The following PPWD1 variants were observed in gnomAD, a reference collection of about 807,000 sequenced individuals.
The protein encoded by PPWD1 is peptidylprolyl isomerase domain and WD repeat-containing protein 1.
In PPWD1, 43 loss-of-function variants were observed where a neutral mutation model predicts 68.8. The ratio of observed to expected loss-of-function variants is 0.62; its 90% CI spans 0.49 to 0.81. The LOEUF (loss-of-function observed/expected upper bound fraction) is 0.81. Ranked by LOEUF, PPWD1 falls within the 30% of genes least tolerant of loss-of-function variation. The pLI, the probability that PPWD1 is intolerant of heterozygous loss-of-function variation, is 0.00. For synonymous variants in PPWD1, 232 were observed against 258.7 expected, an observed-to-expected ratio of 0.90 and a Z score of 0.99; for missense variants, 672 against 804.8, an observed-to-expected ratio of 0.83 and a Z score of 2.00.
In PPWD1 at chr5:65,576,983, A is replaced by G. The variant is rs1160340685; in HGVS notation, c.1074A>G (p.Leu358=). 1 of 1,614,180 alleles carries G rather than the reference A, an allele frequency of 6.2e-7. No homozygotes were observed. Among genetic ancestry groups the G allele is most frequent in the Admixed American group, 1.7e-5 (1 of 60,030 alleles). The change falls in exon 6 of 11, where the codon TTA becomes TTG. Residue 358 remains leucine (L), a synonymous_variant. Transcript: ENST00000261308. ...TGGAGAAGGTTGATGCTGTAAGATT[A>G]ATTAATATAGTTTTTGATGAAACTG... is the stretch of plus-strand genomic sequence containing the variant. The part of the protein sequence containing the change: ...RELEKVDAVR[L]INIVFDETGH...
intron 4 of PPWD1, chr5:65,570,267 G>A: frequency 1.1e-6 from 1 of 913,400 alleles, no homozygotes; most frequent in Non-Finnish European, 1.3e-6. Flanking sequence ...TAATATTACT[G>A]GAGCTCTGTC....
rs187566030 is a variant in PPWD1 at position 65,580,383 on chromosome 5, C to A, written c.1350+770C>A. Among the ~76,000 whole-genome samples, 27 of 152,320 alleles carry A rather than the reference C, an allele frequency of 1.8e-4. No individual in the cohort carries two copies. In the East Asian group the frequency reaches 4.8e-3, roughly 27 times the overall value. ...TTCTTCATTTTTCATTCATTTGCTA[C>A]ACGAACCATACTGAAAGTTCACATG... On this transcript the variant is annotated intron_variant, in intron 7 of 10. Transcript: ENST00000261308.
intron 7 of PPWD1, among the ~76,000 whole-genome samples, chr5:65,581,030 G>A (rs1753573263): frequency 6.6e-6 from 1 of 152,104 alleles, no homozygotes. Context: ...AATGACTACA[G>A]CATTACAGTA....
intron 4 of PPWD1, 63 bp downstream of exon 4, chr5:65,570,061 C>A: frequency 7.0e-7 from 1 of 1,429,990 alleles, no homozygotes; most frequent in East Asian, 2.5e-5. Flanking sequence ...TCAGACTTTA[C>A]CATTTAATAG....
At chr5:65,578,171 G>C (rs998115927) in intron 6 of PPWD1, among the ~76,000 whole-genome samples, 1 of 152,146 alleles carries the variant, frequency 6.6e-6, no homozygotes. Flanking sequence ...ACCACAGCTT[G>C]ATAGCTCATT....
intron 7 of PPWD1, among the ~76,000 whole-genome samples, chr5:65,581,425 A>T (rs892128803): frequency 2.0e-5 from 3 of 152,078 alleles, no homozygotes; most frequent in African/African-American, 7.2e-5. Flanking sequence ...TCTCTACAAA[A>T]AATTTAAGAA....
intron 7 of PPWD1, among the ~76,000 whole-genome samples, chr5:65,581,064 T>C (rs1299563332): frequency 3.3e-5 from 5 of 152,178 alleles, no homozygotes; most frequent in African/African-American, 9.7e-5. Context: ...CTCCAAAACA[T>C]TGTAAACTGA....
intron 5 of PPWD1, among the ~76,000 whole-genome samples, chr5:65,572,731 G>A (rs757403714): frequency 6.6e-6 from 1 of 151,978 alleles, no homozygotes; most frequent in Non-Finnish European, 1.5e-5. Context: ...GCTCAAACCA[G>A]AAATCTAAGA....
At position 65,586,027 on chromosome 5, in the gene PPWD1, C is replaced by G. The variant is rs1753828437; in HGVS notation, c.1643C>G (p.Thr548Arg). 6.2e-7 allele frequency: 1 copy of G among 1,613,116 alleles called. No homozygotes were observed. The highest frequency in any genetic ancestry group is 2.2e-5 in the East Asian group (1 of 44,874). The part of the protein sequence containing the change: ...KGFMIQTGDP[T>R]GTGMGGESIW... ...TTTATGATTCAGACTGGAGATCCAA[C>G]AGGTACTGGTATGGGAGGAGAAAGC... The change falls in exon 10 of 11, where the codon ACA becomes AGA. Residue 548 changes from threonine to arginine, a missense_variant. By Grantham distance (71) the Thr-to-Arg change is moderately conservative (BLOSUM62 -1). This residue lies in a region of PPWD1 where 484 missense variants were observed against 646.2 expected (regional missense o/e 0.75). Coordinates refer to ENST00000261308, the MANE Select transcript of PPWD1 (RefSeq NM_015342.4).
Position 65,587,160 on chromosome 5 carries a change from G to A in PPWD1, c.1798-93G>A, listed in dbSNP as rs571776538. ...TTTTAAATATATGCTAAAGGGGAGC[G>A]TAAACTTAAATTCTCTTTAATTTGC... On this transcript the variant is annotated intron_variant, in intron 10 of 10. Coordinates refer to ENST00000261308, the MANE Select transcript of PPWD1 (RefSeq NM_015342.4). 4.6e-5 allele frequency: 61 copies of A among 1,328,758 alleles called. No homozygotes were observed. The South Asian group carries it at 4.8e-4, about 11-fold the overall frequency. 82.3% of individuals were successfully genotyped at this position (1,328,758 alleles called of 1,614,324 possible). A position where few individuals can be genotyped will look rare whatever the true frequency, so the allele number is the denominator to read the frequency against.
intron 7 of PPWD1, among the ~76,000 whole-genome samples, chr5:65,581,797 G>A (rs991737448): frequency 5.9e-5 from 9 of 152,020 alleles, no homozygotes; most frequent in South Asian, 2.1e-4. Flanking sequence ...ACATTGTTAC[G>A]AATTTTCTTT....
intron 7 of PPWD1, among the ~76,000 whole-genome samples, chr5:65,580,945 T>C (rs1249302842): frequency 6.6e-6 from 1 of 152,234 alleles, no homozygotes. Context: ...TCTGACGCTG[T>C]GCTCTTCTTC....
At position 65,567,562 on chromosome 5, in the gene PPWD1, G is replaced by A. The variant is rs188720458; in HGVS notation, c.246G>A (p.Met82Ile). 88 of 1,612,076 alleles carry A rather than the reference G, an allele frequency of 5.5e-5. No individual in the cohort carries two copies. In the East Asian group the frequency reaches 1.2e-3, roughly 22 times the overall value. The change falls in exon 2 of 11, where the codon ATG becomes ATA. Residue 82 changes from methionine (M) to isoleucine (I), a missense_variant. Transcript: ENST00000261308. ...TTGATAATCTCCCCAGTGCATCCATGTATGAGCGCAGTTACATGCATAGAG... is the reference window on the plus strand; with the variant it reads ...TTGATAATCTCCCCAGTGCATCCATATATGAGCGCAGTTACATGCATAGAG... ...VYLDNLPSAS[M>I]YERSYMHRDV... is the part of the protein sequence containing the mutation.
chr5:65,573,497 G>GT (rs199517260), intron 5 of PPWD1, among the ~76,000 whole-genome samples: 3 of 25,904 alleles, frequency 1.2e-4, no homozygotes, highest in Non-Finnish European at 2.9e-4. Flanking sequence ...TTAGAGATGG[G>GT]TTTTTTTTAG....
At chr5:65,577,485 C>T (rs1411762442) in intron 6 of PPWD1, among the ~76,000 whole-genome samples, 1 of 152,098 alleles carries the variant, frequency 6.6e-6, no homozygotes, top group Non-Finnish European at 1.5e-5. Flanking sequence ...TTTGTGAAAA[C>T]AGTCCATTTG....
In PPWD1 at chr5:65,586,138, C is replaced by G. The variant is rs1319848825; in HGVS notation, c.1754C>G (p.Ser585Ter). 6.2e-7 allele frequency: 1 copy of G among 1,613,344 alleles called. No individual in the cohort carries two copies. The change falls in exon 10 of 11, where the codon TCA (serine) becomes TGA (stop). Residue 585 changes from serine (S) to a stop codon, truncating the protein, a stop_gained. Coordinates refer to ENST00000261308, the MANE Select transcript of PPWD1 (RefSeq NM_015342.4). LOFTEE classifies it high-confidence loss of function. ...ACACTCAGCATGGCTAACGCGGGAT[C>G]AAATACTAATGGATCCCAGTTTTTC... ...PYTLSMANAG[S>*]NTNGSQFFIT...
At chr5:65,573,470 TATATA>T (rs1753109779) in intron 5 of PPWD1, among the ~76,000 whole-genome samples, 2 of 68,560 alleles carry the variant, frequency 2.9e-5, no homozygotes, top group African/African-American at 1.4e-4. Flanking sequence ...TATATATATA[TATATA>T]TTTTTTTTTT....
At chr5:65,585,268 G>C (rs760308596) in intron 9 of PPWD1, among the ~76,000 whole-genome samples, 173 bp downstream of exon 9, 1 of 152,114 alleles carries the variant, frequency 6.6e-6, no homozygotes, top group Non-Finnish European at 1.5e-5. Flanking sequence ...TCAACATCTA[G>C]AATCAACAGG....
At position 65,572,189 on chromosome 5, in the gene PPWD1, A is replaced by G. The variant is rs766657626; in HGVS notation, c.872A>G (p.Asp291Gly). 5 of 1,613,780 alleles carry G rather than the reference A, an allele frequency of 3.1e-6. No individual in the cohort carries two copies. The highest frequency in any genetic ancestry group is 1.7e-5 in the Admixed American group (1 of 60,026). Residue 291 changes from aspartate to glycine, a missense_variant, in exon 5 of 11, where the codon GAT (aspartate) becomes GGT (glycine). Physicochemically the swap from Asp to Gly is moderately conservative, Grantham distance 94 (BLOSUM62 -1). Coordinates refer to ENST00000261308, the MANE Select transcript of PPWD1 (RefSeq NM_015342.4). ...AYPTSVCFSP[D>G]GKKIATIGSD... is the part of the protein sequence containing the mutation. ...CCAACCAGCGTATGTTTTTCACCAG[A>G]TGGGAAGAAAATAGCTACTATTGGT...
Sources: gnomAD v4.1 joint callset for allele counts (sites outside exome capture counted in the v4.1 genomes callset) on GRCh38, gnomAD v4.1.1 for gene constraint, gnomAD v4.1.1 regional missense constraint, MANE v1.5 for transcripts, NCBI Gene and HGNC (gene_info 2026-07-23, HGNC 2026-07-21) for gene names.